EFCAB8: variants seen among roughly 807,000 people sequenced by gnomAD.
EFCAB8 encodes EF-hand calcium binding domain 8, also known as EF-hand calcium-binding domain-containing protein 8.
A neutral mutation model predicts 116.3 loss-of-function variants in EFCAB8; 100 were observed. That is an observed-to-expected ratio of 0.86 (90% CI 0.73 to 1.02). The LOEUF is 1.02. EFCAB8 is among the 50% of genes least tolerant of loss of function. The pLI, the probability that EFCAB8 is intolerant of heterozygous loss-of-function variation, is 0.00. For synonymous variants in EFCAB8, 558 were observed against 567.9 expected (o/e 0.98, Z 0.25); for missense variants, 1,320 against 1,416.9 (o/e 0.93, Z 1.10).
chr20:32,867,944 C>T (rs372382285), intron 3 of EFCAB8, among the ~76,000 whole-genome samples, 197 bp downstream of exon 3: 18 of 152,110 alleles, frequency 1.2e-4, no homozygotes, highest in African/African-American at 4.1e-4. Flanking sequence ...TCAAGCGATC[C>T]TCCTGTCTCA....
At chr20:32,898,815 T>TCTATATGCTGGCTATATGTG (rs1986289947) in intron 11 of EFCAB8, among the ~76,000 whole-genome samples, 192 bp downstream of exon 11, 1 of 152,110 alleles carries the variant, frequency 6.6e-6, no homozygotes, top group Non-Finnish European at 1.5e-5. Context: ...TATGCAAAAC[T>TCTATATGCTGGCTATATGTG]CAGCATAGAA....
At position 32,911,667 on chromosome 20, in the gene EFCAB8, G is replaced by A. The variant is rs781245662; in HGVS notation, c.1745G>A (p.Gly582Asp). Residue 582 changes from glycine to aspartate, a missense_variant, in exon 16 of 27, where the codon GGC becomes GAC. Coordinates refer to ENST00000400522, the MANE Select transcript of EFCAB8 (RefSeq NM_001143967.2). Reference sequence around the variant, plus strand: ...ATGAAGATGTGGAACTACAACATTGGCAAATGCCTGTTGACCTTTCCCAGT... The same window carrying A: ...ATGAAGATGTGGAACTACAACATTGACAAATGCCTGTTGACCTTTCCCAGT... ...GTMKMWNYNIGKCLLTFPSPE... is the reference protein window; with the variant it reads ...GTMKMWNYNIDKCLLTFPSPE... 6.4e-7 allele frequency: 1 copy of A among 1,551,736 alleles called. No individual in the cohort carries two copies. The highest frequency in any genetic ancestry group is 8.7e-7 in the Non-Finnish European group (1 of 1,146,992).
At position 32,878,619 on chromosome 20, in the gene EFCAB8, G is replaced by A. The variant is rs553724343; in HGVS notation, c.328-85G>A. On this transcript the variant is annotated intron_variant, in intron 4 of 26. Coordinates refer to ENST00000400522, the MANE Select transcript of EFCAB8 (RefSeq NM_001143967.2). ...TGCAAGCTCCGCTTCCCGGGTTCAC[G>A]CCATTCTCCTGCCGAGTTCTTGAAA... 3.4e-4 allele frequency: 352 copies of A among 1,050,680 alleles called. No homozygotes were observed. The African/African-American group carries it at 4.9e-3, about 15-fold the overall frequency. The allele number at this position is 1,050,680 out of a possible 1,614,324, so 65.1% of individuals were successfully genotyped here.
At chr20:32,873,215 G>T (rs1272641170) in intron 3 of EFCAB8, among the ~76,000 whole-genome samples, 3 of 152,054 alleles carry the variant, frequency 2.0e-5, no homozygotes, top group Non-Finnish European at 4.4e-5. Flanking sequence ...GGCAATGGCG[G>T]GGGTGGCCTC....
Position 32,920,151 on chromosome 20 carries a change from A to G in EFCAB8, c.2348A>G (p.Asp783Gly). The G allele has an allele frequency of 6.4e-7, 1 of 1,551,756 alleles. No homozygotes were observed. The highest frequency in any genetic ancestry group is 8.7e-7 in the Non-Finnish European group (1 of 1,147,008). The change falls in exon 20 of 27, where the codon GAT (aspartate) becomes GGT (glycine). Residue 783 changes from aspartate (D) to glycine (G), a missense_variant. Physicochemically the swap from Asp to Gly is moderately conservative, Grantham distance 94. Transcript: ENST00000400522. ...AGCAAACAGTCCATTTACAAAGAGG[A>G]TGAAACGAGAAAAGGAGAATGGCAG... ...IHSKQSIYKEDETRKGEWQKN... is the reference protein window; with the variant it reads ...IHSKQSIYKEGETRKGEWQKN...
intron 20 of EFCAB8, among the ~76,000 whole-genome samples, chr20:32,920,995 C>T (rs1020327955): frequency 6.6e-6 from 1 of 152,112 alleles, no homozygotes; most frequent in Admixed American, 6.5e-5. Context: ...TGACCCTGGA[C>T]ACCCCTCACT....
intron 1 of EFCAB8, among the ~76,000 whole-genome samples, chr20:32,860,329 T>G (rs1984039236): frequency 6.6e-6 from 1 of 151,910 alleles, no homozygotes; most frequent in African/African-American, 2.4e-5. Context: ...AAAACCCAGT[T>G]ATTTTGTAGA....
intron 6 of EFCAB8, among the ~76,000 whole-genome samples, chr20:32,888,634 G>A (rs954053122): frequency 6.6e-6 from 1 of 152,212 alleles, no homozygotes; most frequent in African/African-American, 2.4e-5. Context: ...GAGATTACAG[G>A]CGTGAGCCAC....
chr20:32,890,594 C>T (rs930995344), intron 7 of EFCAB8, among the ~76,000 whole-genome samples: 3 of 152,232 alleles, frequency 2.0e-5, no homozygotes, highest in Non-Finnish European at 4.4e-5. Context: ...TGAATGAGGC[C>T]TCTGACTGAG....
At position 32,858,968 on chromosome 20, in the gene EFCAB8, T is replaced by G; in HGVS notation, c.-49T>G. 3 of 471,094 alleles carry G rather than the reference T, an allele frequency of 6.4e-6. No homozygotes were observed. Among genetic ancestry groups the G allele is most frequent in the South Asian group, 3.1e-5 (2 of 64,562 alleles). 29.2% of individuals were successfully genotyped at this position (471,094 alleles called of 1,614,324 possible). On this transcript the variant is annotated 5_prime_UTR_variant, in exon 1 of 27. Coordinates refer to ENST00000400522, the MANE Select transcript of EFCAB8 (RefSeq NM_001143967.2). Reference sequence around the variant, plus strand: ...AAAGTGTTAGCACTTTGCCAGACTTTGCCAGCAAGATTAACTGAGGAGATC... The same window carrying G: ...AAAGTGTTAGCACTTTGCCAGACTTGGCCAGCAAGATTAACTGAGGAGATC...
At chr20:32,960,911 C>A (rs895023431) in intron 26 of EFCAB8, among the ~76,000 whole-genome samples, 1 of 152,216 alleles carries the variant, frequency 6.6e-6, no homozygotes, top group African/African-American at 2.4e-5. Context: ...TTGCCACAAG[C>A]GCCGTAACTG....
chr20:32,937,301 C>A, intron 22 of EFCAB8, among the ~76,000 whole-genome samples: 1 of 152,056 alleles, frequency 6.6e-6, no homozygotes, highest in East Asian at 1.9e-4. Context: ...ACCACACTTT[C>A]TGTTGATTAA....
intron 1 of EFCAB8, among the ~76,000 whole-genome samples, chr20:32,860,871 T>C (rs1287654799): frequency 1.3e-5 from 2 of 152,090 alleles, no homozygotes; most frequent in Admixed American, 1.3e-4. Flanking sequence ...CTTGAGTAGC[T>C]GGGACTACAG....
chr20:32,899,910 C>T (rs971879689), intron 11 of EFCAB8, among the ~76,000 whole-genome samples: 2 of 152,094 alleles, frequency 1.3e-5, no homozygotes, highest in Admixed American at 6.6e-5. Flanking sequence ...TCTACTGTGC[C>T]GTTTACTGTG....
intron 16 of EFCAB8, among the ~76,000 whole-genome samples, chr20:32,912,392 A>C (rs1986972846): frequency 6.7e-6 from 1 of 150,036 alleles, no homozygotes; most frequent in Non-Finnish European, 1.5e-5. Flanking sequence ...AGATCCCGCC[A>C]TCGCACTCCA....
At chr20:32,866,886 C>T (rs1433232028) in intron 2 of EFCAB8, among the ~76,000 whole-genome samples, 2 of 146,318 alleles carry the variant, frequency 1.4e-5, no homozygotes, top group African/African-American at 5.0e-5. Flanking sequence ...TCCTTCCTTC[C>T]TTTCTTTCTC....
rs1984758383 is a variant in EFCAB8, at chr20:32,872,926, T to C, written c.209-3000T>C. Among the ~76,000 whole-genome samples the C allele has an allele frequency of 3.3e-5, 5 of 151,652 alleles. No homozygotes were observed. The South Asian group carries it at 1.0e-3, about 32-fold the overall frequency. On this transcript the variant is annotated intron_variant, in intron 3 of 26. Transcript: ENST00000400522. Reference sequence around the variant, plus strand: ...GGCCAACATGGCGAAACCCTGTCTCTACTAAAAATACAAAAATTAGCCGAG... The same window carrying C: ...GGCCAACATGGCGAAACCCTGTCTCCACTAAAAATACAAAAATTAGCCGAG...
In EFCAB8 at chr20:32,959,517, G is replaced by C. The variant is rs548521089; in HGVS notation, c.3090-261G>C. On this transcript the variant is annotated intron_variant, in intron 24 of 26. Transcript: ENST00000400522. ...GTCCACAAGGGGAGGTCCAGATAAA[G>C]CCAGATCGGGTGTCAGGTCTGCATG... 2.6e-5 allele frequency among the ~76,000 whole-genome samples: 4 copies of C among 152,324 alleles called. No homozygotes were observed. In the South Asian group the frequency reaches 6.2e-4, roughly 24 times the overall value.
At chr20:32,867,771 T>C in intron 3 of EFCAB8, 24 bp downstream of exon 3, 2 of 1,547,152 alleles carry the variant, frequency 1.3e-6, no homozygotes, top group South Asian at 2.4e-5. Context: ...GTAGGCTCGG[T>C]TTTTGTGTGA....
Sources: allele counts gnomAD v4.1 joint callset (sites outside exome capture counted in the v4.1 genomes callset), GRCh38; gene constraint gnomAD v4.1.1; transcripts MANE v1.5; gene names NCBI Gene and HGNC (gene_info 2026-07-23, HGNC 2026-07-21).